Variants in TNRC6B observed in about 807,000 individuals in gnomAD.
TNRC6B encodes trinucleotide repeat containing adaptor 6B.
Under a neutral mutation model 203.6 loss-of-function variants are expected in TNRC6B, and 52 were observed. The observed-to-expected ratio is 0.26, with a 90% CI of 0.20 to 0.32. The LOEUF (loss-of-function observed/expected upper bound fraction) is 0.32. TNRC6B is among the 10% of genes least tolerant of loss of function. The pLI is 1.00. For synonymous variants in TNRC6B, 838 were observed against 845.7 expected (o/e 0.99, Z 0.16); for missense variants, 1,923 against 2,286.2 (o/e 0.84, Z 3.24).
At chr22:40,286,577 A>G (rs992284830) in intron 12 of TNRC6B, among the ~76,000 whole-genome samples, 6 of 152,202 alleles carry the variant, frequency 3.9e-5, no homozygotes, top group South Asian at 2.1e-4. Context: ...GCTGTATGCC[A>G]ACATAGCAAT....
chr22:40,204,114 C>T (rs150372482), intron 1 of TNRC6B, among the ~76,000 whole-genome samples: 2 of 152,352 alleles, frequency 1.3e-5, no homozygotes, highest in East Asian at 3.9e-4. Flanking sequence ...ATACTTAACT[C>T]TGTGTCTTTA....
intron 1 of TNRC6B, among the ~76,000 whole-genome samples, chr22:40,226,978 C>T (rs2069795131): frequency 1.3e-5 from 2 of 151,896 alleles, no homozygotes; most frequent in South Asian, 4.2e-4. Context: ...GGCACAATCT[C>T]AGCTCATTGC....
At chr22:40,261,244 G>C (rs948961265) in intron 3 of TNRC6B, among the ~76,000 whole-genome samples, 3 of 151,926 alleles carry the variant, frequency 2.0e-5, no homozygotes, top group Non-Finnish European at 4.4e-5. Flanking sequence ...CAAGATCACT[G>C]CACTCCAGCC....
rs188003624 is a variant in TNRC6B at position 40,141,230 on chromosome 22, G to T, written c.46-14885G>T. 1.8e-3 allele frequency among the ~76,000 whole-genome samples: 161 copies of T among 88,070 alleles called. 1 individual carries two copies. Among genetic ancestry groups the T allele is most frequent in the African/African-American group, 5.8e-3 (131 of 22,600 alleles). The allele number at this position is 88,070 out of a possible 152,430, so 57.8% of individuals were successfully genotyped here. ...TTTTTTTTTTTTTTTTTTTTTTTGA[G>T]ATGGCCTCACTGTTGCCCAGGCTGG... On this transcript the variant is annotated intron_variant, in intron 3 of 23. Transcript: ENST00000301923.
chr22:40,146,404 T>C (rs2068695652), intron 3 of TNRC6B, among the ~76,000 whole-genome samples: 1 of 68,586 alleles, frequency 1.5e-5, no homozygotes. Context: ...AAATGCTGTC[T>C]TTTTTTTTGA....
chr22:40,303,693 C>T (rs1339937310), intron 15 of TNRC6B, among the ~76,000 whole-genome samples: 2 of 151,910 alleles, frequency 1.3e-5, no homozygotes, highest in African/African-American at 2.4e-5. Flanking sequence ...GGGCAGATCA[C>T]TTGAGGTCAG....
chr22:40,262,465 A>T (rs1320068151), intron 4 of TNRC6B, among the ~76,000 whole-genome samples: 2 of 152,114 alleles, frequency 1.3e-5, no homozygotes, highest in Non-Finnish European at 2.9e-5. Flanking sequence ...GAGCCTCCAT[A>T]GTTCCACCGT....
intron 3 of TNRC6B, among the ~76,000 whole-genome samples, chr22:40,136,277 AGT>A (rs1320832174): frequency 6.6e-6 from 1 of 152,010 alleles, no homozygotes; most frequent in East Asian, 1.9e-4. Flanking sequence ...TCATTTTTTA[AGT>A]GAAATCTAAA....
chr22:40,117,832 C>T (rs2068404306), intron 2 of TNRC6B, among the ~76,000 whole-genome samples: 2 of 152,074 alleles, frequency 1.3e-5, no homozygotes, highest in South Asian at 4.1e-4. Flanking sequence ...GTTGTTATTA[C>T]AGTAATAAAT....
chr22:40,060,109 C>T (rs2067836536), intron 1 of TNRC6B, among the ~76,000 whole-genome samples: 2 of 148,356 alleles, frequency 1.3e-5, no homozygotes, highest in African/African-American at 5.0e-5. Flanking sequence ...GGATTTCAGG[C>T]GTGAGGCACT....
At chr22:40,191,304 T>G (rs1488825764) in intron 1 of TNRC6B, among the ~76,000 whole-genome samples, 1 of 152,200 alleles carries the variant, frequency 6.6e-6, no homozygotes, top group Non-Finnish European at 1.5e-5. Flanking sequence ...GAAGATTCAG[T>G]GAGAACTTGT....
At chr22:40,224,412 C>T (rs2069756057) in intron 1 of TNRC6B, among the ~76,000 whole-genome samples, 2 of 152,138 alleles carry the variant, frequency 1.3e-5, no homozygotes, top group Admixed American at 6.6e-5. Flanking sequence ...ATTTCCTTCA[C>T]CCATTTTTCT....
intron 1 of TNRC6B, among the ~76,000 whole-genome samples, chr22:40,078,832 G>A (rs1033409724): frequency 4.6e-5 from 7 of 151,758 alleles, no homozygotes; most frequent in Non-Finnish European, 1.0e-4. Flanking sequence ...CCAGCAGTTT[G>A]GGAGGCCGAG....
intron 10 of TNRC6B, 108 bp downstream of exon 10, chr22:40,280,251 G>A (rs2070706256): frequency 9.0e-7 from 1 of 1,107,688 alleles, no homozygotes; most frequent in Middle Eastern, 3.1e-4. Flanking sequence ...TGAACTAGAT[G>A]AGCAAAACAC....
intron 15 of TNRC6B, among the ~76,000 whole-genome samples, chr22:40,302,582 G>C (rs2071037219): frequency 6.6e-6 from 1 of 150,886 alleles, no homozygotes; most frequent in African/African-American, 2.4e-5. Context: ...GCAGTGAGCT[G>C]AGATTGTGCC....
At chr22:40,149,635 A>T (rs929066293) in intron 3 of TNRC6B, among the ~76,000 whole-genome samples, 2 of 145,084 alleles carry the variant, frequency 1.4e-5, no homozygotes, top group Non-Finnish European at 3.0e-5. Context: ...GCGCCATTGC[A>T]CTACAGCCTG....
At chr22:40,190,331 A>G (rs2069255304) in intron 1 of TNRC6B, among the ~76,000 whole-genome samples, 1 of 152,220 alleles carries the variant, frequency 6.6e-6, no homozygotes, top group Non-Finnish European at 1.5e-5. Context: ...TAGCATCTAG[A>G]ATAGTACTCA....
chr22:40,163,178 G>A (rs1406573041), intron 4 of TNRC6B, among the ~76,000 whole-genome samples: 1 of 150,502 alleles, frequency 6.6e-6, no homozygotes, highest in Non-Finnish European at 1.5e-5. Flanking sequence ...CTTGGGGAGG[G>A]AGAGATGGGA....
chr22:40,150,068 G>A (rs547779028), intron 3 of TNRC6B, among the ~76,000 whole-genome samples: 26 of 152,244 alleles, frequency 1.7e-4, no homozygotes, highest in African/African-American at 5.3e-4. Context: ...TCTTGACATG[G>A]TAAACTAAGG....
Sources: allele counts gnomAD v4.1 joint callset (sites outside exome capture counted in the v4.1 genomes callset), GRCh38; gene constraint gnomAD v4.1.1; transcripts MANE v1.5; gene names NCBI Gene and HGNC (gene_info 2026-07-23, HGNC 2026-07-21).